Variants in EFR3B observed in about 807,000 individuals in gnomAD.
EFR3B encodes the protein protein EFR3 homolog B.
A neutral mutation model predicts 104.7 loss-of-function variants in EFR3B; 64 were observed. That is an observed-to-expected ratio of 0.61 (90% CI 0.50 to 0.75). The LOEUF is 0.75. Ranked by LOEUF, EFR3B falls within the 30% of genes least tolerant of loss-of-function variation. EFR3B has a pLI of 0.00. For synonymous variants in EFR3B, 385 were observed against 417.9 expected (o/e 0.92, Z 0.96); for missense variants, 750 against 1,078.5 (o/e 0.70, Z 4.27).
rs1282053143 is a variant in EFR3B, at chr2:25,136,120, A to T, written c.1485-403A>T. On this transcript the variant is annotated intron_variant, in intron 13 of 22. Coordinates refer to ENST00000403714, the MANE Select transcript of EFR3B (RefSeq NM_014971.2). The surrounding 1 kb of genome is among the most constrained non-coding windows in gnomAD (Gnocchi z 4.0). ...CACTTAAGCCCAAGAGTTCAAGACC[A>T]GCCAGGGCAACATAGTGAGACCCCC... 6.6e-6 allele frequency among the ~76,000 whole-genome samples: 1 copy of T among 152,150 alleles called. No homozygotes were observed. The highest frequency in any genetic ancestry group is 1.5e-5 in the Non-Finnish European group (1 of 68,038).
At chr2:25,065,133 A>G (rs1668297724) in intron 1 of EFR3B, among the ~76,000 whole-genome samples, 1 of 152,054 alleles carries the variant, frequency 6.6e-6, no homozygotes. Context: ...ATTCAGAGAC[A>G]AAGCAACAAC....
intron 20 of EFR3B, 29 bp downstream of exon 20, chr2:25,149,771 G>A (rs1173699053): frequency 6.5e-7 from 1 of 1,550,018 alleles, no homozygotes. Flanking sequence ...ACTCTGGTTA[G>A]AGGGCAAAAT....
chr2:25,051,521 C>T (rs1356478205), intron 1 of EFR3B, among the ~76,000 whole-genome samples: 1 of 152,076 alleles, frequency 6.6e-6, no homozygotes, highest in Non-Finnish European at 1.5e-5. Flanking sequence ...CTTTGCGTAC[C>T]ATATTTTAAT....
At chr2:25,051,653 T>C (rs1667874186) in intron 1 of EFR3B, among the ~76,000 whole-genome samples, 1 of 149,472 alleles carries the variant, frequency 6.7e-6, no homozygotes, top group South Asian at 2.1e-4. Context: ...TTTTTTTTTT[T>C]CAGACACAGC....
In EFR3B at chr2:25,137,626, A is replaced by C; in HGVS notation, c.1722+124A>C. On this transcript the variant is annotated intron_variant, in intron 15 of 22. Coordinates refer to ENST00000403714, the MANE Select transcript of EFR3B (RefSeq NM_014971.2). This position sits in a 1 kb window ranked among gnomAD's most constrained non-coding sequence, Gnocchi z 4.7. The stretch of plus-strand genomic sequence containing the variant: ...CTGTTTTGGAGCCCAGGAATATTGT[A>C]CTCGTGGTTGGCCACGCCTCCCTGA... The C allele has an allele frequency of 7.8e-6, 11 of 1,401,290 alleles. No individual in the cohort carries two copies. Among genetic ancestry groups the C allele is most frequent in the Non-Finnish European group, 1.1e-5 (11 of 1,044,128 alleles). 86.8% of individuals were successfully genotyped at this position (1,401,290 alleles called of 1,614,324 possible).
chr2:25,145,389 A>G (rs1280054780), intron 19 of EFR3B: 1 of 422,878 alleles, frequency 2.4e-6, no homozygotes, highest in Admixed American at 3.8e-5. Flanking sequence ...GGGGCAATAT[A>G]AGGAGACCCC....
At chr2:25,063,779 A>G (rs527631544) in intron 1 of EFR3B, among the ~76,000 whole-genome samples, 1 of 152,338 alleles carries the variant, frequency 6.6e-6, no homozygotes, top group East Asian at 1.9e-4. Context: ...TGGCAGTAAC[A>G]GGGTCACCCT....
At chr2:25,052,728 C>T (rs1371931332) in intron 1 of EFR3B, among the ~76,000 whole-genome samples, 1 of 151,788 alleles carries the variant, frequency 6.6e-6, no homozygotes, top group East Asian at 1.9e-4. Flanking sequence ...TGATCTTGAA[C>T]TCCTGACCTT....
Position 25,131,939 on chromosome 2 carries a change from G to T in EFR3B, c.1147+28G>T. ...GCGGCGCGGGGCCGGGCCGGGGCGGGGCGGGGCCGAGGCGCGGAGTGGGGA... is the reference window on the plus strand; with the variant it reads ...GCGGCGCGGGGCCGGGCCGGGGCGGTGCGGGGCCGAGGCGCGGAGTGGGGA... On this transcript the variant is annotated intron_variant, in intron 10 of 22. Coordinates refer to ENST00000403714, the MANE Select transcript of EFR3B (RefSeq NM_014971.2). The surrounding 1 kb of genome is among the most constrained non-coding windows in gnomAD (Gnocchi z 7.6). 6.9e-7 allele frequency: 1 copy of T among 1,451,572 alleles called. No homozygotes were observed. Among genetic ancestry groups the T allele is most frequent in the South Asian group, 1.4e-5 (1 of 70,796 alleles). 89.9% of individuals were successfully genotyped at this position (1,451,572 alleles called of 1,614,324 possible).
intron 1 of EFR3B, among the ~76,000 whole-genome samples, chr2:25,085,653 C>T (rs1254036799): frequency 3.3e-5 from 5 of 151,840 alleles, no homozygotes; most frequent in South Asian, 2.1e-4. Flanking sequence ...TTAGTAGAAA[C>T]GAGATTTCAC....
intron 1 of EFR3B, among the ~76,000 whole-genome samples, chr2:25,089,475 A>G (rs1327622567): frequency 6.6e-6 from 1 of 152,138 alleles, no homozygotes; most frequent in Non-Finnish European, 1.5e-5. Context: ...AAAATGCAAA[A>G]GGGCCAATGT....
chr2:25,133,512 A>C, intron 12 of EFR3B, 78 bp downstream of exon 12: 1 of 1,426,754 alleles, frequency 7.0e-7, no homozygotes, highest in Non-Finnish European at 9.7e-7. Context: ...GAAGGCCTCC[A>C]CATACAGTCG....
chr2:25,112,446 G>A (rs1370974525), intron 4 of EFR3B, among the ~76,000 whole-genome samples: 2 of 152,250 alleles, frequency 1.3e-5, no homozygotes, highest in African/African-American at 4.8e-5. Flanking sequence ...ACTGTGTAAT[G>A]TGGGTGGACA....
rs1270720244 is a variant in EFR3B at position 25,128,352 on chromosome 2, G to A, written c.635+20G>A. 3 of 1,551,634 alleles carry A rather than the reference G, an allele frequency of 1.9e-6. No homozygotes were observed. The Admixed American group carries it at 5.9e-5, about 30-fold the overall frequency. On this transcript the variant is annotated intron_variant, in intron 6 of 22. Coordinates refer to ENST00000403714, the MANE Select transcript of EFR3B (RefSeq NM_014971.2). ...AGAGAGGTAAGCAGGCCGGGATGGG[G>A]CAGGACAGTAGATATAATCAACCCT...
At chr2:25,085,089 T>C (rs1274360162) in intron 1 of EFR3B, among the ~76,000 whole-genome samples, 2 of 152,254 alleles carry the variant, frequency 1.3e-5, no homozygotes, top group Non-Finnish European at 2.9e-5. Context: ...CTATGAACCC[T>C]ACCCCGTGTC....
At chr2:25,105,942 TGAA>T (rs1669549778) in intron 4 of EFR3B, among the ~76,000 whole-genome samples, 1 of 152,178 alleles carries the variant, frequency 6.6e-6, no homozygotes, top group Non-Finnish European at 1.5e-5. Context: ...CTGCAGACAA[TGAA>T]GATGATATAA....
intron 4 of EFR3B, among the ~76,000 whole-genome samples, chr2:25,115,484 C>CT (rs1246989931): frequency 3.9e-5 from 6 of 152,194 alleles, no homozygotes; most frequent in African/African-American, 1.4e-4. Context: ...GCTAAACTCA[C>CT]TAGTTTGCTG....
chr2:25,120,505 A>C (rs6545952), intron 4 of EFR3B, among the ~76,000 whole-genome samples: 1 of 151,758 alleles, frequency 6.6e-6, no homozygotes, highest in African/African-American at 2.4e-5. Context: ...TTAGCTGGGC[A>C]TGGTGGCACG....
In EFR3B at chr2:25,136,705, G is replaced by A. The variant is rs1670526513; in HGVS notation, c.1560+107G>A. 1 of 925,894 alleles carries A rather than the reference G, an allele frequency of 1.1e-6. No individual in the cohort carries two copies. The highest frequency in any genetic ancestry group is 1.5e-5 in the South Asian group (1 of 66,548). The allele number at this position is 925,894 out of a possible 1,614,324, so 57.4% of individuals were successfully genotyped here. ...GGCGGGCGGATAGATCACTTGAGGT[G>A]GGGAGCTCGAGACCAGCCAGACCAA... On this transcript the variant is annotated intron_variant, in intron 14 of 22. Coordinates refer to ENST00000403714, the MANE Select transcript of EFR3B (RefSeq NM_014971.2). This position sits in a 1 kb window ranked among gnomAD's most constrained non-coding sequence, Gnocchi z 4.0.
Sources: gnomAD v4.1 joint callset for allele counts (sites outside exome capture counted in the v4.1 genomes callset) on GRCh38, gnomAD v4.1.1 for gene constraint, Gnocchi (gnomAD v3.1) non-coding constraint, MANE v1.5 for transcripts, NCBI Gene and HGNC (gene_info 2026-07-23, HGNC 2026-07-21) for gene names.